Variants in LYPD8 observed in about 807,000 individuals in gnomAD.
The protein encoded by LYPD8 is ly6/PLAUR domain-containing protein 8.
A neutral mutation model predicts 1.7 loss-of-function variants in LYPD8; 8 were observed. The ratio of observed to expected loss-of-function variants is 4.58; its 90% CI spans 2.69 to 8.27. LYPD8 has a LOEUF of 8.27. Among genes scored for constraint, LYPD8 ranks in the 30% most tolerant of loss-of-function variants. The probability of loss-of-function intolerance (pLI) is 0.00; values close to 1 mark genes in which losing one functional copy is unlikely to be tolerated. For missense variants in LYPD8, 112 were observed against 102.3 expected, an observed-to-expected ratio of 1.09 and a Z score of -0.41; for synonymous variants, 50 against 43.6, an observed-to-expected ratio of 1.15 and a Z score of -0.58.
chr1:248,752,825 AC>A (rs1662833917), intron 2 of LYPD8, among the ~76,000 whole-genome samples: 5 of 96,774 alleles, frequency 5.2e-5, no homozygotes, highest in African/African-American at 2.7e-4. Flanking sequence ...ACATCACATC[AC>A]ACACACCACA....
intron 5 of LYPD8, among the ~76,000 whole-genome samples, chr1:248,745,937 AAAGTGG>A (rs1187168899): frequency 2.6e-5 from 4 of 152,348 alleles, no homozygotes; most frequent in African/African-American, 9.6e-5. Context: ...TTGTGAATGT[AAAGTGG>A]AGTTTCCCAG....
chr1:248,750,420 C>T lies in LYPD8; in HGVS notation c.172+104G>A, dbSNP rs1226202308. On this transcript the variant is annotated intron_variant, in intron 4 of 6. Coordinates refer to ENST00000590317, the MANE Select transcript of LYPD8 (RefSeq NM_001085474.2). ...CTTTGTGGCTTCCTCTCTCCTTGGACAGCACGACCCCTTCTCTGCCTTTCT... is the reference window on the plus strand; with the variant it reads ...CTTTGTGGCTTCCTCTCTCCTTGGATAGCACGACCCCTTCTCTGCCTTTCT... 1.0e-5 allele frequency: 4 copies of T among 396,486 alleles called. No individual in the cohort carries two copies. In the South Asian group the frequency reaches 5.4e-4, roughly 54 times the overall value. The allele number at this position is 396,486 out of a possible 1,614,324, so 24.6% of individuals were successfully genotyped here.
At chr1:248,741,709 CAG>C (rs1662603608) in intron 6 of LYPD8, among the ~76,000 whole-genome samples, 1 of 152,106 alleles carries the variant, frequency 6.6e-6, no homozygotes, top group Non-Finnish European at 1.5e-5. Context: ...ACAAGATAAG[CAG>C]AGAGAGAAAA....
intron 6 of LYPD8, 144 bp downstream of exon 6, chr1:248,744,998 C>G: frequency 2.6e-6 from 1 of 388,032 alleles, no homozygotes; most frequent in Non-Finnish European, 4.5e-6. Flanking sequence ...CATGAGCAGC[C>G]ACTGTATTTA....
intron 6 of LYPD8, among the ~76,000 whole-genome samples, chr1:248,741,112 T>C (rs1662589077): frequency 6.7e-6 from 1 of 149,260 alleles, no homozygotes; most frequent in Admixed American, 6.6e-5. Flanking sequence ...AGACCCTGTC[T>C]TGAACAGCAA....
At chr1:248,743,037 C>T (rs576419897) in intron 6 of LYPD8, among the ~76,000 whole-genome samples, 3 of 149,138 alleles carry the variant, frequency 2.0e-5, no homozygotes, top group Non-Finnish European at 4.4e-5. Context: ...GGAGGTTATG[C>T]TCTGGTGGGG....
At chr1:248,754,266 A>T (rs897392344) in intron 2 of LYPD8, among the ~76,000 whole-genome samples, 14 of 150,740 alleles carry the variant, frequency 9.3e-5, no homozygotes, top group Non-Finnish European at 1.6e-4. Context: ...AGTCACACAC[A>T]TCACACACAC....
chr1:248,752,803 CACAA>C (rs1662832281), intron 2 of LYPD8, among the ~76,000 whole-genome samples: 1 of 104,562 alleles, frequency 9.6e-6, no homozygotes, highest in Non-Finnish European at 1.9e-5. Context: ...CACCACACCC[CACAA>C]CACACACACA....
At position 248,739,970 on chromosome 1, in the gene LYPD8, C is replaced by A; in HGVS notation, c.476-121G>T. 7.6e-7 allele frequency: 1 copy of A among 1,322,488 alleles called. No individual in the cohort carries two copies. Among genetic ancestry groups the A allele is most frequent in the Non-Finnish European group, 1.0e-6 (1 of 972,898 alleles). The allele number at this position is 1,322,488 out of a possible 1,614,324, so 81.9% of individuals were successfully genotyped here. On this transcript the variant is annotated intron_variant, in intron 6 of 6. Transcript: ENST00000590317. The surrounding 1 kb of genome is among the most constrained non-coding windows in gnomAD (Gnocchi z 4.3). ...GTGACCAGCAAGAGCTGGTGTGCTC[C>A]TGAAGCCCAGGCAGGAAGAAGGAGC...
At chr1:248,745,576 C>A (rs1422952536) in intron 5 of LYPD8, among the ~76,000 whole-genome samples, 1 of 152,162 alleles carries the variant, frequency 6.6e-6, no homozygotes, top group Non-Finnish European at 1.5e-5. Flanking sequence ...TCAACATGAA[C>A]ATTAGCTAGC....
chr1:248,748,571 C>T, intron 4 of LYPD8, 118 bp from the exon 5 acceptor site: 1 of 395,748 alleles, frequency 2.5e-6, no homozygotes, highest in Non-Finnish European at 4.5e-6. Context: ...CAGTATCATG[C>T]AGTTTTGAAG....
At position 248,739,502 on chromosome 1, in the gene LYPD8, G is replaced by T; in HGVS notation, c.*109C>A. 6.9e-7 allele frequency: 1 copy of T among 1,443,956 alleles called. No homozygotes were observed. The highest frequency in any genetic ancestry group is 9.3e-7 in the Non-Finnish European group (1 of 1,071,410). The allele number at this position is 1,443,956 out of a possible 1,614,324, so 89.4% of individuals were successfully genotyped here. A position where few individuals can be genotyped will look rare whatever the true frequency, so the allele number is the denominator to read the frequency against. ...GGAGACCTGTGACTCCCACTTACTG[G>T]GCAGTTAAACGGGGCAGAGCAGGGA... On this transcript the variant is annotated 3_prime_UTR_variant, in exon 7 of 7. Coordinates refer to ENST00000590317, the MANE Select transcript of LYPD8 (RefSeq NM_001085474.2). This position sits in a 1 kb window ranked among gnomAD's most constrained non-coding sequence, Gnocchi z 4.3.
chr1:248,749,664 T>C (rs1662764138), intron 4 of LYPD8, among the ~76,000 whole-genome samples: 1 of 152,138 alleles, frequency 6.6e-6, no homozygotes, highest in South Asian at 2.1e-4. Context: ...GGCGGAGTCC[T>C]CACAGCCTAA....
In LYPD8 at chr1:248,739,805, T is replaced by G. The variant is rs1662554986; in HGVS notation, c.520A>C (p.Ser174Arg). Residue 174 changes from serine to arginine, a missense_variant, in exon 7 of 7, where the codon AGT (serine) becomes CGT (arginine). By Grantham distance (110) the Ser-to-Arg change is moderately radical. Transcript: ENST00000590317. The surrounding 1 kb of genome is among the most constrained non-coding windows in gnomAD (Gnocchi z 4.3). ...SLVLKGCSNV[S>R]NATCQFLSGE... ...GACAGGAACTGACAGGTGGCGTTAC[T>G]GACGTTGGAACAGCCTTTCAGCACG... is the stretch of plus-strand genomic sequence containing the variant. 6.4e-6 allele frequency: 10 copies of G among 1,551,764 alleles called. No individual in the cohort carries two copies. Among genetic ancestry groups the G allele is most frequent in the African/African-American group, 1.4e-5 (1 of 73,186 alleles).
intron 5 of LYPD8, among the ~76,000 whole-genome samples, chr1:248,745,771 G>A (rs1023906847): frequency 3.3e-4 from 50 of 152,284 alleles, no homozygotes; most frequent in Non-Finnish European, 5.6e-4. Flanking sequence ...CACATTTTCT[G>A]TTTTTCAAAA....
At chr1:248,742,143 G>T (rs1310847944) in intron 6 of LYPD8, among the ~76,000 whole-genome samples, 1 of 152,168 alleles carries the variant, frequency 6.6e-6, no homozygotes, top group Non-Finnish European at 1.5e-5. Flanking sequence ...TCACTGCTTA[G>T]AAAAAATGTA....
At chr1:248,754,438 C>T (rs1405222086) in intron 2 of LYPD8, among the ~76,000 whole-genome samples, 1 of 151,024 alleles carries the variant, frequency 6.6e-6, no homozygotes, top group Non-Finnish European at 1.5e-5. Context: ...ACACACCTCA[C>T]ACACGTCAAA....
At chr1:248,742,179 G>A (rs1440477447) in intron 6 of LYPD8, among the ~76,000 whole-genome samples, 7 of 144,370 alleles carry the variant, frequency 4.8e-5, no homozygotes, top group Admixed American at 3.4e-4. Flanking sequence ...TGTTGGCAGC[G>A]GGGAGATTAT....
intron 5 of LYPD8, among the ~76,000 whole-genome samples, chr1:248,746,504 A>C (rs1391886823): frequency 1.3e-5 from 2 of 152,208 alleles, no homozygotes; most frequent in Non-Finnish European, 2.9e-5. Context: ...AGAATGGTTG[A>C]AAAAGGAAGA....
Sources: allele counts gnomAD v4.1 joint callset (sites outside exome capture counted in the v4.1 genomes callset), GRCh38; gene constraint gnomAD v4.1.1; non-coding constraint Gnocchi (gnomAD v3.1); transcripts MANE v1.5; gene names NCBI Gene and HGNC (gene_info 2026-07-23, HGNC 2026-07-21).